CDH10: variants seen among roughly 807,000 people sequenced by gnomAD.
CDH10 encodes the protein cadherin 10, also known as cadherin-10.
CDH10 carries 30 observed loss-of-function variants against 73.1 expected under a neutral mutation model. That is an observed-to-expected ratio of 0.41 (90% CI 0.31 to 0.56). The LOEUF is 0.56. Among genes scored for constraint, CDH10 ranks in the 20% least tolerant of loss-of-function variants. CDH10 has a pLI of 0.27. For synonymous variants in CDH10, 345 were observed against 348.2 expected (o/e 0.99, Z 0.10); for missense variants, 815 against 973.7 (o/e 0.84, Z 2.17).
chr5:24,498,596 G>T (rs911856567), intron 8 of CDH10, 77 bp from the exon 9 acceptor site: 6 of 901,572 alleles, frequency 6.7e-6, no homozygotes, highest in Middle Eastern at 2.2e-4. Flanking sequence ...GCATCTTGTG[G>T]GTATGAAGTG....
intron 5 of CDH10, among the ~76,000 whole-genome samples, chr5:24,526,061 T>G (rs1743520140): frequency 6.6e-6 from 1 of 152,042 alleles, no homozygotes; most frequent in Non-Finnish European, 1.5e-5. Flanking sequence ...GGATCTCACC[T>G]GAAATTGTAA....
intron 1 of CDH10, among the ~76,000 whole-genome samples, chr5:24,622,710 G>C (rs1294851375): frequency 2.0e-5 from 3 of 152,036 alleles, no homozygotes; most frequent in Non-Finnish European, 4.4e-5. Flanking sequence ...GTAGCAGGGA[G>C]GCTCTCAATA....
intron 2 of CDH10, among the ~76,000 whole-genome samples, chr5:24,556,222 A>G (rs1468298269): frequency 6.6e-6 from 1 of 152,144 alleles, no homozygotes; most frequent in Non-Finnish European, 1.5e-5. Context: ...CTTTTAATTT[A>G]TAAGTGTTAT....
Position 24,537,610 on chromosome 5 carries a change from C to CCAG in CDH10, c.293_295dup (p.Ala98dup). On this transcript the variant is annotated inframe_insertion, in exon 3 of 12. Transcript: ENST00000264463. Reference sequence around the variant, plus strand: ...TTTTTCATCAATAATAAAAAGAGTACCAGCTCCATCTCCAGATAAGATATA... The same window carrying CCAG: ...TTTTTCATCAATAATAAAAAGAGTACCAGCAGCTCCATCTCCAGATAAGATATA... 6.2e-7 allele frequency: 1 copy of CCAG among 1,604,776 alleles called. No individual in the cohort carries two copies. The highest frequency in any genetic ancestry group is 8.5e-7 in the Non-Finnish European group (1 of 1,171,918).
chr5:24,516,438 C>A (rs989668083), intron 5 of CDH10, among the ~76,000 whole-genome samples: 11 of 151,634 alleles, frequency 7.3e-5, no homozygotes, highest in Non-Finnish European at 1.5e-4. Flanking sequence ...ATCTTACTGG[C>A]AACAATTAAT....
At chr5:24,569,101 C>T (rs1444258843) in intron 2 of CDH10, among the ~76,000 whole-genome samples, 1 of 134,948 alleles carries the variant, frequency 7.4e-6, no homozygotes, top group Non-Finnish European at 1.7e-5. Flanking sequence ...CAGAGCGAGA[C>T]TCTGTCTCAA....
intron 7 of CDH10, among the ~76,000 whole-genome samples, chr5:24,506,621 A>G (rs933731368): frequency 2.6e-5 from 4 of 152,160 alleles, no homozygotes; most frequent in African/African-American, 7.2e-5. Flanking sequence ...TAGTCACTCA[A>G]TGAGTATTAT....
chr5:24,575,971 G>A (rs1005907837), intron 2 of CDH10, among the ~76,000 whole-genome samples: 12 of 151,878 alleles, frequency 7.9e-5, no homozygotes, highest in Non-Finnish European at 1.3e-4. Flanking sequence ...AAAACTTACT[G>A]TTTGTTACCT....
At chr5:24,521,793 GAAAAT>G (rs1011111640) in intron 5 of CDH10, among the ~76,000 whole-genome samples, 14 of 152,058 alleles carry the variant, frequency 9.2e-5, no homozygotes, top group African/African-American at 3.4e-4. Flanking sequence ...CATCCAACAA[GAAAAT>G]AAGTGAGCTG....
intron 5 of CDH10, among the ~76,000 whole-genome samples, chr5:24,526,839 C>G (rs570658050): frequency 6.6e-6 from 1 of 151,810 alleles, no homozygotes; most frequent in Admixed American, 6.6e-5. Flanking sequence ...TTTATTCAAC[C>G]CTTTCATGAT....
At chr5:24,555,464 CATTA>C (rs1311634646) in intron 2 of CDH10, among the ~76,000 whole-genome samples, 3 of 152,106 alleles carry the variant, frequency 2.0e-5, no homozygotes, top group Non-Finnish European at 2.9e-5. Flanking sequence ...CAGATGTAGA[CATTA>C]ATTACTCTGT....
At chr5:24,512,451 T>C (rs1174062547) in intron 5 of CDH10, among the ~76,000 whole-genome samples, 2 of 152,214 alleles carry the variant, frequency 1.3e-5, no homozygotes, top group Admixed American at 1.3e-4. Context: ...TTACTACTCA[T>C]ACTTATTTCA....
At chr5:24,502,607 T>C (rs1458715785) in intron 8 of CDH10, among the ~76,000 whole-genome samples, 1 of 152,180 alleles carries the variant, frequency 6.6e-6, no homozygotes, top group Non-Finnish European at 1.5e-5. Context: ...ATTGATTTTA[T>C]TTGAGGACAA....
At chr5:24,505,453 A>G (rs1742667883) in intron 7 of CDH10, among the ~76,000 whole-genome samples, 1 of 152,232 alleles carries the variant, frequency 6.6e-6, no homozygotes, top group Non-Finnish European at 1.5e-5. Context: ...TCTGCATTTC[A>G]ATGCTATTCT....
intron 2 of CDH10, among the ~76,000 whole-genome samples, chr5:24,589,617 T>C (rs1746134504): frequency 6.6e-6 from 1 of 151,996 alleles, no homozygotes; most frequent in Admixed American, 6.6e-5. Context: ...GTGCAGTAAA[T>C]ATAGAATTAG....
rs115751309 is a variant in CDH10, at chr5:24,512,073, T to C, written c.815-559A>G. Among the ~76,000 whole-genome samples the C allele has an allele frequency of 7.2e-3, 1,100 of 152,232 alleles. 13 individuals are homozygous for C. The highest frequency in any genetic ancestry group is 0.026 in the African/African-American group (1,060 of 41,528). On this transcript the variant is annotated intron_variant, in intron 5 of 11. Coordinates refer to ENST00000264463, the MANE Select transcript of CDH10 (RefSeq NM_006727.5). ...ACCTGGTCTATGAAATATATATCTG[T>C]ACAACAAACCCCCGTGACACAAGTT...
chr5:24,552,087 T>G lies in CDH10; in HGVS notation c.232-14413A>C, dbSNP rs561069693. ...ATATTTTATTGGGATTGCAATGAAT[T>G]TACATGAAACATATAAGTGCTTCTT... On this transcript the variant is annotated intron_variant, in intron 2 of 11. Transcript: ENST00000264463. 2.0e-4 allele frequency among the ~76,000 whole-genome samples: 30 copies of G among 152,228 alleles called. No homozygotes were observed. The South Asian group carries it at 4.1e-3, about 21-fold the overall frequency.
At chr5:24,499,513 C>G (rs1301297710) in intron 8 of CDH10, 4 of 152,276 alleles carry the variant, frequency 2.6e-5, no homozygotes, top group African/African-American at 7.3e-5. Context: ...TGGTGAAACC[C>G]TATCTCTATT....
chr5:24,538,229 C>A (rs953657648), intron 2 of CDH10, among the ~76,000 whole-genome samples: 5 of 152,050 alleles, frequency 3.3e-5, no homozygotes, highest in African/African-American at 1.2e-4. Flanking sequence ...GATTACCCCA[C>A]AAATATTTGT....
Sources: allele counts gnomAD v4.1 joint callset (sites outside exome capture counted in the v4.1 genomes callset), GRCh38; gene constraint gnomAD v4.1.1; transcripts MANE v1.5; gene names NCBI Gene and HGNC (gene_info 2026-07-23, HGNC 2026-07-21).